Variants in GAP43 observed in about 807,000 individuals in gnomAD.
GAP43 encodes the protein neuromodulin.
GAP43 carries 6 observed loss-of-function variants against 18.6 expected under a neutral mutation model. The ratio of observed to expected loss-of-function variants is 0.32; its 90% confidence interval spans 0.18 to 0.64. The LOEUF (loss-of-function observed/expected upper bound fraction) is 0.64. Ranked by LOEUF, GAP43 falls within the 30% of genes least tolerant of loss-of-function variation. The pLI, the probability that GAP43 is intolerant of heterozygous loss-of-function variation, is 0.78. For missense variants in GAP43, 292 were observed against 295.5 expected, an observed-to-expected ratio of 0.99 and a Z score of 0.09; for synonymous variants, 115 against 111.4, an observed-to-expected ratio of 1.03 and a Z score of -0.20.
intron 1 of GAP43, among the ~76,000 whole-genome samples, chr3:115,646,535 G>A (rs562974758): frequency 6.6e-6 from 1 of 152,182 alleles, no homozygotes; most frequent in East Asian, 1.9e-4. Context: ...AACAGGATAG[G>A]TGGGGGTTCA....
intron 2 of GAP43, among the ~76,000 whole-genome samples, chr3:115,720,179 T>C (rs1709558705): frequency 6.6e-6 from 1 of 152,312 alleles, no homozygotes; most frequent in South Asian, 2.1e-4. Context: ...ATAGTTTTTG[T>C]CTTCATGGTC....
At chr3:115,684,159 T>C (rs760343611) in intron 2 of GAP43, among the ~76,000 whole-genome samples, 1 of 152,328 alleles carries the variant, frequency 6.6e-6, no homozygotes, top group Non-Finnish European at 1.5e-5. Context: ...ATGTTCAACA[T>C]AAATATTCTA....
chr3:115,660,099 C>T (rs1352845213), intron 1 of GAP43, among the ~76,000 whole-genome samples: 2 of 151,990 alleles, frequency 1.3e-5, no homozygotes, highest in Non-Finnish European at 2.9e-5. Context: ...GAATTAGATG[C>T]CTAAAGGATG....
In GAP43 at chr3:115,644,658, T is replaced by C. The variant is rs1431888480; in HGVS notation, c.30+20939T>C. Among the ~76,000 whole-genome samples, 1 of 152,118 alleles carries C rather than the reference T, an allele frequency of 6.6e-6. No individual in the cohort carries two copies. The highest frequency in any genetic ancestry group is 2.4e-5 in the African/African-American group (1 of 41,460). On this transcript the variant is annotated intron_variant, in intron 1 of 2. Transcript: ENST00000305124. The surrounding 1 kb of genome is among the most constrained non-coding windows in gnomAD (Gnocchi z 4.2). ...TTGTGGTTGTAGCTAAAATGCTGCA[T>C]ATTTCTTTTCTCAGCATCAGTGATT... is the stretch of plus-strand genomic sequence containing the variant.
chr3:115,699,763 T>A (rs1709273741), intron 2 of GAP43, among the ~76,000 whole-genome samples: 1 of 152,160 alleles, frequency 6.6e-6, no homozygotes, highest in Non-Finnish European at 1.5e-5. Context: ...TTTATTTAAT[T>A]AAAATATTTT....
rs927266753 is a variant in GAP43 at position 115,686,763 on chromosome 3, G to A, written c.628+10153G>A. 1.5e-4 allele frequency among the ~76,000 whole-genome samples: 23 copies of A among 152,080 alleles called. 1 individual carries two copies. Among genetic ancestry groups the A allele is most frequent in the African/African-American group, 5.6e-4 (23 of 41,406 alleles). On this transcript the variant is annotated intron_variant, in intron 2 of 2. Transcript: ENST00000305124. ...TTTAAAAATAGACATGTTGATGGAG[G>A]CAATAGTTCTTCTCAGCTGGTTTTT...
chr3:115,676,057 C>T lies in GAP43; in HGVS notation c.75C>T (p.Ile25=), dbSNP rs1708879823. 6.2e-7 allele frequency: 1 copy of T among 1,613,438 alleles called. No individual in the cohort carries two copies. The highest frequency in any genetic ancestry group is 8.5e-7 in the Non-Finnish European group (1 of 1,179,918). Reference sequence around the variant, plus strand: ...ACCAAAAGATTGAACAAGATGGTATCAAACCAGAAGATAAAGCTCATAAGG... The same window carrying T: ...ACCAAAAGATTGAACAAGATGGTATTAAACCAGAAGATAAAGCTCATAAGG... The part of the protein sequence containing the change: ...DDDQKIEQDG[I]KPEDKAHKAA... The change falls in exon 2 of 3, where the codon ATC becomes ATT. Residue 25 remains isoleucine (I), a synonymous_variant. Transcript: ENST00000305124.
intron 2 of GAP43, among the ~76,000 whole-genome samples, chr3:115,717,357 C>T (rs966390176): frequency 2.6e-5 from 4 of 151,088 alleles, no homozygotes; most frequent in East Asian, 1.9e-4. Context: ...TCCCCCAGGC[C>T]GGAGTGCAAT....
chr3:115,623,794 AT>A, intron 1 of GAP43, 75 bp downstream of exon 1: 1 of 1,489,050 alleles, frequency 6.7e-7, no homozygotes, highest in Non-Finnish European at 9.4e-7. Flanking sequence ...AAGGCAAACA[AT>A]TTTTTTACTG....
intron 2 of GAP43, among the ~76,000 whole-genome samples, chr3:115,682,614 G>C (rs964980248): frequency 6.6e-6 from 1 of 152,144 alleles, no homozygotes; most frequent in Non-Finnish European, 1.5e-5. Context: ...TCAGCTCACT[G>C]TAACCTCTGA....
At chr3:115,648,350 C>A (rs1708482413) in intron 1 of GAP43, among the ~76,000 whole-genome samples, 1 of 152,088 alleles carries the variant, frequency 6.6e-6, no homozygotes, top group Non-Finnish European at 1.5e-5. Flanking sequence ...CTGCTCTGTT[C>A]TCTAGCTTTG....
At chr3:115,692,612 A>G (rs1356859988) in intron 2 of GAP43, among the ~76,000 whole-genome samples, 3 of 152,192 alleles carry the variant, frequency 2.0e-5, no homozygotes, top group Non-Finnish European at 2.9e-5. Context: ...CATTATGATG[A>G]AGCATTGGTG....
chr3:115,633,194 A>G (rs776142046), intron 1 of GAP43, among the ~76,000 whole-genome samples: 2 of 152,026 alleles, frequency 1.3e-5, no homozygotes, highest in Non-Finnish European at 2.9e-5. Context: ...GATGAGAGAG[A>G]AAGAGAGAGA....
chr3:115,698,024 CAT>C (rs1709221894), intron 2 of GAP43, among the ~76,000 whole-genome samples: 4 of 83,618 alleles, frequency 4.8e-5, no homozygotes, highest in African/African-American at 1.0e-4. Flanking sequence ...AAATATATAA[CAT>C]GTATATAAAA....
chr3:115,628,527 C>G (rs912827702), intron 1 of GAP43, among the ~76,000 whole-genome samples: 1 of 152,076 alleles, frequency 6.6e-6, no homozygotes, highest in African/African-American at 2.4e-5. Flanking sequence ...CACTGAAAAA[C>G]ATATTCTGAA....
At chr3:115,712,169 G>T (rs1709448812) in intron 2 of GAP43, among the ~76,000 whole-genome samples, 3 of 151,782 alleles carry the variant, frequency 2.0e-5, no homozygotes, top group African/African-American at 7.3e-5. Context: ...TCTCCATTCA[G>T]AAAAAAACAC....
chr3:115,692,690 G>A (rs1267842026), intron 2 of GAP43, among the ~76,000 whole-genome samples: 2 of 152,118 alleles, frequency 1.3e-5, no homozygotes, highest in African/African-American at 4.8e-5. Flanking sequence ...TGAAGTGGTC[G>A]GAAGTTTTCA....
rs11557760 is a variant in GAP43, at chr3:115,721,324, C to T, written c.*442C>T. The T allele has an allele frequency of 0.027, 4,037 of 152,198 alleles. 270 individuals are homozygous for T. Among genetic ancestry groups the T allele is most frequent in the East Asian group, 0.16 (832 of 5,174 alleles). 9.4% of individuals were successfully genotyped at this position (152,198 alleles called of 1,614,324 possible). On this transcript the variant is annotated 3_prime_UTR_variant, in exon 3 of 3. Transcript: ENST00000305124. Reference sequence around the variant, plus strand: ...TGAATTCAAAATCATTTTTGTTTTCCTCCTTTTCAATGTGATGGAATGAAC... The same window carrying T: ...TGAATTCAAAATCATTTTTGTTTTCTTCCTTTTCAATGTGATGGAATGAAC...
At chr3:115,642,990 C>T (rs1403647107) in intron 1 of GAP43, among the ~76,000 whole-genome samples, 2 of 151,984 alleles carry the variant, frequency 1.3e-5, no homozygotes, top group South Asian at 2.1e-4. Context: ...CTGACTTAAG[C>T]TTTGCATGTC....
Sources: gnomAD v4.1 joint callset for allele counts (sites outside exome capture counted in the v4.1 genomes callset) on GRCh38, gnomAD v4.1.1 for gene constraint, Gnocchi (gnomAD v3.1) non-coding constraint, MANE v1.5 for transcripts, NCBI Gene and HGNC (gene_info 2026-07-23, HGNC 2026-07-21) for gene names.